The following TBCA variants were observed in gnomAD, a reference collection of about 807,000 sequenced individuals.
TBCA encodes tubulin folding cofactor A.
In TBCA, 6 loss-of-function variants were observed where a neutral mutation model predicts 15.8. The ratio of observed to expected loss-of-function variants is 0.38; its 90% CI spans 0.21 to 0.75. The LOEUF (loss-of-function observed/expected upper bound fraction) is 0.75, where lower values mean the gene tolerates loss of function less well. Ranked by LOEUF, TBCA falls within the 30% of genes least tolerant of loss-of-function variation. TBCA has a pLI of 0.46. For synonymous variants in TBCA, 32 were observed against 42.3 expected (o/e 0.76, Z 0.94); for missense variants, 90 against 131.2 (o/e 0.69, Z 1.53).
At chr5:77,732,187 C>A (rs1746787856) in intron 1 of TBCA, among the ~76,000 whole-genome samples, 1 of 152,150 alleles carries the variant, frequency 6.6e-6, no homozygotes, top group Admixed American at 6.5e-5. Flanking sequence ...GCTATAGCTT[C>A]TCCACAGAGT....
intron 2 of TBCA, chr5:77,705,566 G>T (rs1348779208): frequency 2.5e-6 from 1 of 398,622 alleles, no homozygotes; most frequent in African/African-American, 2.1e-5. Flanking sequence ...GGGGACTCAC[G>T]CTTATCATCC....
At chr5:77,719,324 T>A (rs1166796968) in intron 1 of TBCA, among the ~76,000 whole-genome samples, 2 of 152,236 alleles carry the variant, frequency 1.3e-5, no homozygotes, top group African/African-American at 2.4e-5. Context: ...AATTTAAATT[T>A]CTTTGATCTG....
At chr5:77,760,101 G>C (rs1747575201) in intron 1 of TBCA, among the ~76,000 whole-genome samples, 2 of 152,172 alleles carry the variant, frequency 1.3e-5, no homozygotes, top group African/African-American at 4.8e-5. Flanking sequence ...GACAAGAGTT[G>C]AGAGAAGAGG....
chr5:77,742,865 A>G (rs1390651074), intron 1 of TBCA, among the ~76,000 whole-genome samples: 1 of 152,212 alleles, frequency 6.6e-6, no homozygotes, highest in Non-Finnish European at 1.5e-5. Flanking sequence ...TTTCTTTGAG[A>G]AAAAAGACCC....
At chr5:77,771,549 C>T (rs778721344) in intron 1 of TBCA, among the ~76,000 whole-genome samples, 5 of 152,182 alleles carry the variant, frequency 3.3e-5, no homozygotes, top group Non-Finnish European at 5.9e-5. Context: ...GCCTATTTTC[C>T]CAGGGCCTAA....
At chr5:77,762,727 GC>G (rs1169595553) in intron 1 of TBCA, among the ~76,000 whole-genome samples, 1 of 152,010 alleles carries the variant, frequency 6.6e-6, no homozygotes, top group Non-Finnish European at 1.5e-5. Context: ...CTATCTATAG[GC>G]CTCCCCTCAC....
intron 1 of TBCA, among the ~76,000 whole-genome samples, chr5:77,765,861 T>C: frequency 7.2e-6 from 1 of 138,612 alleles, no homozygotes; most frequent in South Asian, 2.4e-4. Context: ...GCACCATTTG[T>C]ACAAGTGAAA....
intron 1 of TBCA, among the ~76,000 whole-genome samples, chr5:77,766,953 A>C (rs915251588): frequency 4.6e-5 from 7 of 152,216 alleles, no homozygotes; most frequent in African/African-American, 1.7e-4. Flanking sequence ...GCAATGATAT[A>C]TCAGACACCA....
chr5:77,763,025 C>T (rs1747680610), intron 1 of TBCA, among the ~76,000 whole-genome samples: 1 of 152,056 alleles, frequency 6.6e-6, no homozygotes, highest in Non-Finnish European at 1.5e-5. Context: ...AGGCGGATCA[C>T]GAGGTCAGGA....
Position 77,776,305 on chromosome 5 carries a change from G to A in TBCA, c.-48C>T. ...GGAGGGGCGGAGAGCCGGGGTAACCGTGGAGGGCGACGCGCAGAGGCTGCG... is the reference window on the plus strand; with the variant it reads ...GGAGGGGCGGAGAGCCGGGGTAACCATGGAGGGCGACGCGCAGAGGCTGCG... On this transcript the variant is annotated 5_prime_UTR_variant, in exon 1 of 4. In the 5' UTR this introduces an upstream ATG that the reference lacks. Transcript: ENST00000380377. 3.2e-6 allele frequency: 5 copies of A among 1,554,646 alleles called. No individual in the cohort carries two copies. The highest frequency in any genetic ancestry group is 4.3e-6 in the Non-Finnish European group (5 of 1,149,616).
At chr5:77,696,728 C>A (rs974351653) in intron 2 of TBCA, among the ~76,000 whole-genome samples, 3 of 152,142 alleles carry the variant, frequency 2.0e-5, no homozygotes, top group African/African-American at 7.2e-5. Flanking sequence ...TTGCGACCAG[C>A]CTGGGCAACA....
chr5:77,758,391 TTC>T (rs899990875), intron 1 of TBCA, among the ~76,000 whole-genome samples: 2 of 152,198 alleles, frequency 1.3e-5, no homozygotes, highest in African/African-American at 2.4e-5. Flanking sequence ...CCCTGTTCTG[TTC>T]TGTTTCACTC....
Position 77,776,266 on chromosome 5 carries a change from G to C in TBCA, c.-9C>G, listed in dbSNP as rs765162470. ...ACGCGAGGATCGGCCATGGTCCCTC[G>C]AGCGCCGCGAGAAGGAGGGGCGGAG... is the stretch of plus-strand genomic sequence containing the variant. On this transcript the variant is annotated 5_prime_UTR_variant, in exon 1 of 4. Coordinates refer to ENST00000380377, the MANE Select transcript of TBCA (RefSeq NM_004607.3). 6 of 1,575,802 alleles carry C rather than the reference G, an allele frequency of 3.8e-6. No homozygotes were observed. The highest frequency in any genetic ancestry group is 1.4e-5 in the African/African-American group (1 of 73,948).
chr5:77,702,957 C>T (rs1330000398), intron 2 of TBCA, among the ~76,000 whole-genome samples: 1 of 152,086 alleles, frequency 6.6e-6, no homozygotes, highest in African/African-American at 2.4e-5. Flanking sequence ...GTGAGACACT[C>T]CTGGTCAAAG....
intron 1 of TBCA, among the ~76,000 whole-genome samples, chr5:77,722,202 G>T (rs565681770): frequency 2.0e-5 from 3 of 151,968 alleles, no homozygotes; most frequent in Admixed American, 6.6e-5. Flanking sequence ...CCTTTTTCTG[G>T]TCAACCTAAA....
rs945571037 is a variant in TBCA, at chr5:77,758,825, C to G, written c.53+17380G>C. Reference sequence around the variant, plus strand: ...GCCATTTTCTCTTAATGCACATGCCCGGGTTCACTTGCTCAATTCCTAACA... The same window carrying G: ...GCCATTTTCTCTTAATGCACATGCCGGGGTTCACTTGCTCAATTCCTAACA... On this transcript the variant is annotated intron_variant, in intron 1 of 3. Transcript: ENST00000380377. Among the ~76,000 whole-genome samples the G allele has an allele frequency of 3.3e-5, 5 of 152,312 alleles. No individual in the cohort carries two copies. In the South Asian group the frequency reaches 1.0e-3, roughly 32 times the overall value.
intron 1 of TBCA, among the ~76,000 whole-genome samples, chr5:77,748,357 CGT>C (rs1747236924): frequency 6.8e-6 from 1 of 146,190 alleles, no homozygotes; most frequent in Non-Finnish European, 1.5e-5. Context: ...TCTATTTCTG[CGT>C]GTGTGTGGAG....
At chr5:77,757,264 T>C (rs892307611) in intron 1 of TBCA, among the ~76,000 whole-genome samples, 6 of 152,268 alleles carry the variant, frequency 3.9e-5, no homozygotes, top group Middle Eastern at 3.4e-3. Flanking sequence ...CAGCTGGTTG[T>C]TCATCTTAAC....
chr5:77,776,293 G>C lies in TBCA; in HGVS notation c.-36C>G. The C allele has an allele frequency of 6.4e-7, 1 of 1,563,276 alleles. No homozygotes were observed. Among genetic ancestry groups the C allele is most frequent in the Non-Finnish European group, 8.7e-7 (1 of 1,154,738 alleles). The stretch of plus-strand genomic sequence containing the variant: ...GCGCCGCGAGAAGGAGGGGCGGAGA[G>C]CCGGGGTAACCGTGGAGGGCGACGC... On this transcript the variant is annotated 5_prime_UTR_variant, in exon 1 of 4. Transcript: ENST00000380377.
Sources: gnomAD v4.1 joint callset for allele counts (sites outside exome capture counted in the v4.1 genomes callset) on GRCh38, gnomAD v4.1.1 for gene constraint, MANE v1.5 for transcripts, NCBI Gene and HGNC (gene_info 2026-07-23, HGNC 2026-07-21) for gene names.